Variants in ZMIZ1 observed in about 807,000 individuals in gnomAD.
ZMIZ1 encodes zinc finger MIZ domain-containing protein 1.
A neutral mutation model predicts 113.9 loss-of-function variants in ZMIZ1; 17 were observed. That is an observed-to-expected ratio of 0.15 (90% CI 0.10 to 0.22). ZMIZ1 has a LOEUF of 0.22. ZMIZ1 is among the 10% of genes least tolerant of loss of function. The pLI is 1.00. For missense variants in ZMIZ1, 1,059 were observed against 1,477.8 expected, an observed-to-expected ratio of 0.72 and a Z score of 4.65; for synonymous variants, 607 against 603.1, an observed-to-expected ratio of 1.01 and a Z score of -0.09.
Position 79,143,104 on chromosome 10 carries a change from G to A in ZMIZ1, c.-131+3327G>A, listed in dbSNP as rs79261069. Among the ~76,000 whole-genome samples, 55 of 152,154 alleles carry A rather than the reference G, an allele frequency of 3.6e-4. No homozygotes were observed. In the East Asian group the frequency reaches 0.01, roughly 29 times the overall value. ...AGCCTCTACTGCAAACATCAGCAGT[G>A]CCCCCTCCAGGCCAGGCCCCGGGCT... On this transcript the variant is annotated intron_variant, in intron 3 of 24. Coordinates refer to ENST00000334512, the MANE Select transcript of ZMIZ1 (RefSeq NM_020338.4).
intron 4 of ZMIZ1, among the ~76,000 whole-genome samples, chr10:79,191,008 A>G (rs1420029070): frequency 6.6e-6 from 1 of 152,058 alleles, no homozygotes; most frequent in Non-Finnish European, 1.5e-5. Flanking sequence ...GTGGTTAACA[A>G]TGGCTGTGCA....
intron 6 of ZMIZ1, 88 bp from the exon 7 acceptor site, chr10:79,216,081 C>T: frequency 2.2e-6 from 2 of 921,414 alleles, no homozygotes; most frequent in Non-Finnish European, 3.1e-6. Flanking sequence ...CTTAGCTTGC[C>T]CACCTCACCC....
intron 7 of ZMIZ1, among the ~76,000 whole-genome samples, chr10:79,237,058 G>C (rs1375399974): frequency 2.0e-5 from 3 of 152,248 alleles, no homozygotes; most frequent in Non-Finnish European, 4.4e-5. Flanking sequence ...CAGTCAAGGG[G>C]TCCCCCGAGG....
In ZMIZ1 at chr10:79,234,017, A is replaced by G. The variant is rs551623829; in HGVS notation, c.280+17743A>G. On this transcript the variant is annotated intron_variant, in intron 7 of 24. Transcript: ENST00000334512. ...GAGGGCAGCAAGATGGCCCTCCTGG[A>G]GACCAGGCATGACACTTCTAGGGAC... Among the ~76,000 whole-genome samples, 3 of 152,290 alleles carry G rather than the reference A, an allele frequency of 2.0e-5. No individual in the cohort carries two copies. The South Asian group carries it at 6.2e-4, about 32-fold the overall frequency.
chr10:79,312,811 T>A lies in ZMIZ1; in HGVS notation c.*62T>A. The A allele has an allele frequency of 6.5e-7, 1 of 1,527,852 alleles. No individual in the cohort carries two copies. Among genetic ancestry groups the A allele is most frequent in the South Asian group, 1.1e-5 (1 of 88,884 alleles). 94.6% of individuals were successfully genotyped at this position (1,527,852 alleles called of 1,614,324 possible). A position where few individuals can be genotyped will look rare whatever the true frequency, so the allele number is the denominator to read the frequency against. Reference sequence around the variant, plus strand: ...ATCCTACCCCACCTACCCAACACACTTTTCCACCTGGGAGCCTGTGCCCTC... The same window carrying A: ...ATCCTACCCCACCTACCCAACACACATTTCCACCTGGGAGCCTGTGCCCTC... On this transcript the variant is annotated 3_prime_UTR_variant, in exon 25 of 25. Coordinates refer to ENST00000334512, the MANE Select transcript of ZMIZ1 (RefSeq NM_020338.4).
At chr10:79,300,642 G>C in intron 16 of ZMIZ1, 90 bp from the exon 17 acceptor site, 1 of 1,470,612 alleles carries the variant, frequency 6.8e-7, no homozygotes. Context: ...GTTGTGGTGT[G>C]TTTAGAGGTG....
At chr10:79,223,532 G>T (rs951432918) in intron 7 of ZMIZ1, among the ~76,000 whole-genome samples, 2 of 152,204 alleles carry the variant, frequency 1.3e-5, no homozygotes, top group African/African-American at 4.8e-5. Context: ...TTCATCACCC[G>T]GCCCTCTCAG....
intron 1 of ZMIZ1, among the ~76,000 whole-genome samples, chr10:79,096,287 G>T (rs1843165009): frequency 6.6e-6 from 1 of 152,204 alleles, no homozygotes; most frequent in South Asian, 2.1e-4. Flanking sequence ...GAGACAGGCG[G>T]ATCACAAGGT....
chr10:79,088,772 A>G (rs1336100895), intron 1 of ZMIZ1, among the ~76,000 whole-genome samples: 1 of 152,148 alleles, frequency 6.6e-6, no homozygotes, highest in Non-Finnish European at 1.5e-5. Context: ...CTGAGACCAG[A>G]GCTTCCATTT....
intron 2 of ZMIZ1, among the ~76,000 whole-genome samples, chr10:79,132,234 G>T (rs1267316513): frequency 2.6e-5 from 4 of 152,212 alleles, no homozygotes. Flanking sequence ...AGTCAGGGTA[G>T]TCACTGGAGA....
chr10:79,097,369 T>C (rs567725754), intron 1 of ZMIZ1, among the ~76,000 whole-genome samples: 5 of 152,334 alleles, frequency 3.3e-5, no homozygotes, highest in Admixed American at 3.3e-4. Context: ...ACCATCCTGC[T>C]GTCATAGAGG....
chr10:79,202,706 G>A (rs1029220351), intron 5 of ZMIZ1, among the ~76,000 whole-genome samples: 10 of 152,242 alleles, frequency 6.6e-5, no homozygotes, highest in African/African-American at 2.2e-4. Flanking sequence ...GCCCCCAAGC[G>A]GTGGCCAGGA....
intron 3 of ZMIZ1, among the ~76,000 whole-genome samples, chr10:79,142,381 G>A (rs1845307395): frequency 6.6e-6 from 1 of 152,186 alleles, no homozygotes; most frequent in African/African-American, 2.4e-5. Flanking sequence ...TCAGGAGCCT[G>A]AATGTGAGTC....
intron 2 of ZMIZ1, among the ~76,000 whole-genome samples, chr10:79,127,498 G>A (rs1844570680): frequency 6.6e-6 from 1 of 152,206 alleles, no homozygotes; most frequent in East Asian, 1.9e-4. Flanking sequence ...CCACAGCAGG[G>A]GGTGGCAAGC....
intron 1 of ZMIZ1, among the ~76,000 whole-genome samples, chr10:79,072,274 G>A (rs551929605): frequency 9.9e-5 from 15 of 152,246 alleles, no homozygotes; most frequent in African/African-American, 2.6e-4. Context: ...ACGCACGCGC[G>A]CACGCACACT....
At chr10:79,292,476 A>G in intron 11 of ZMIZ1, 120 bp downstream of exon 11, 2 of 1,328,188 alleles carry the variant, frequency 1.5e-6, no homozygotes, top group Admixed American at 4.3e-5. Context: ...AGCTGACTGC[A>G]TTAGGGTGCA....
At chr10:79,114,486 T>TGC (rs1195460549) in intron 1 of ZMIZ1, among the ~76,000 whole-genome samples, 1 of 100,740 alleles carries the variant, frequency 9.9e-6, no homozygotes, top group Non-Finnish European at 2.2e-5. Context: ...TCTGTGTGTG[T>TGC]GTGTGTGCGT....
intron 11 of ZMIZ1, 35 bp downstream of exon 11, chr10:79,292,391 C>A: frequency 6.3e-7 from 1 of 1,584,270 alleles, no homozygotes; most frequent in Non-Finnish European, 8.6e-7. Context: ...CCAGCCTTGC[C>A]CAGCCAGCCA....
intron 24 of ZMIZ1, among the ~76,000 whole-genome samples, 189 bp from the exon 25 acceptor site, chr10:79,312,453 G>T (rs1003805072): frequency 1.4e-4 from 21 of 152,244 alleles, no homozygotes; most frequent in African/African-American, 5.1e-4. Flanking sequence ...CCCACACTCG[G>T]TGCAGTGGCC....
Sources: allele counts gnomAD v4.1 joint callset (sites outside exome capture counted in the v4.1 genomes callset), GRCh38; gene constraint gnomAD v4.1.1; transcripts MANE v1.5; gene names NCBI Gene and HGNC (gene_info 2026-07-23, HGNC 2026-07-21).